Variants in CNTN5 observed in about 807,000 individuals in gnomAD.
The protein encoded by CNTN5 is contactin 5, also known as contactin-5.
A neutral mutation model predicts 129.1 loss-of-function variants in CNTN5; 77 were observed. That is an observed-to-expected ratio of 0.60 (90% CI 0.50 to 0.72). The LOEUF (loss-of-function observed/expected upper bound fraction) is 0.72, where lower values mean the gene tolerates loss of function less well. Ranked by LOEUF, CNTN5 falls within the 30% of genes least tolerant of loss-of-function variation. CNTN5 has a pLI of 0.00. For synonymous variants in CNTN5, 509 were observed against 465.6 expected (o/e 1.09, Z -1.20); for missense variants, 1,478 against 1,328.8 (o/e 1.11, Z -1.75).
chr11:99,303,816 C>G (rs889112076), intron 1 of CNTN5, among the ~76,000 whole-genome samples: 1 of 152,076 alleles, frequency 6.6e-6, no homozygotes, highest in African/African-American at 2.4e-5. Flanking sequence ...GCTGTCAGTA[C>G]TTATGTTGAG....
intron 3 of CNTN5, among the ~76,000 whole-genome samples, chr11:99,779,190 A>G (rs1033528497): frequency 6.6e-6 from 1 of 151,962 alleles, no homozygotes; most frequent in Admixed American, 6.6e-5. Context: ...CTGTATTTCT[A>G]AATTTGTAGA....
intron 13 of CNTN5, among the ~76,000 whole-genome samples, chr11:100,116,631 G>T (rs1485424016): frequency 6.6e-6 from 1 of 151,702 alleles, no homozygotes; most frequent in Non-Finnish European, 1.5e-5. Flanking sequence ...GAGACAAATA[G>T]AAATATAATT....
intron 3 of CNTN5, among the ~76,000 whole-genome samples, chr11:99,656,058 G>A (rs761909914): frequency 3.2e-4 from 49 of 152,014 alleles, no homozygotes; most frequent in Non-Finnish European, 6.0e-4. Flanking sequence ...AGGTATAAGT[G>A]TGTGTACATA....
intron 3 of CNTN5, among the ~76,000 whole-genome samples, chr11:99,629,866 A>C (rs956357417): frequency 4.0e-5 from 6 of 151,760 alleles, no homozygotes; most frequent in African/African-American, 1.4e-4. Flanking sequence ...TTGATATAAA[A>C]TATAAAAATA....
intron 1 of CNTN5, among the ~76,000 whole-genome samples, chr11:99,082,835 C>T (rs1433534683): frequency 3.3e-5 from 5 of 152,138 alleles, no homozygotes; most frequent in African/African-American, 1.2e-4. Flanking sequence ...CATTACACAA[C>T]AAGGAAAAAC....
At chr11:99,195,289 G>C (rs1260598785) in intron 1 of CNTN5, among the ~76,000 whole-genome samples, 1 of 151,870 alleles carries the variant, frequency 6.6e-6, no homozygotes, top group Non-Finnish European at 1.5e-5. Context: ...TTTTCATTTT[G>C]GAGTAACTAA....
chr11:99,558,050 A>G (rs1304049338), intron 3 of CNTN5, among the ~76,000 whole-genome samples: 2 of 151,882 alleles, frequency 1.3e-5, no homozygotes, highest in African/African-American at 4.8e-5. Context: ...GGATACCTCT[A>G]TAAAAAGTTG....
intron 9 of CNTN5, among the ~76,000 whole-genome samples, chr11:100,046,072 G>T (rs1942655012): frequency 6.8e-6 from 1 of 147,388 alleles, no homozygotes. Flanking sequence ...TCACTCATAG[G>T]TGGGAATTGA....
intron 16 of CNTN5, among the ~76,000 whole-genome samples, chr11:100,230,843 C>G (rs192245242): frequency 6.1e-4 from 93 of 152,286 alleles, no homozygotes; most frequent in African/African-American, 2.2e-3. Context: ...GAGAAAAGTT[C>G]TAATCAACTG....
At chr11:99,730,984 ACT>A (rs1293286524) in intron 3 of CNTN5, among the ~76,000 whole-genome samples, 1 of 152,096 alleles carries the variant, frequency 6.6e-6, no homozygotes, top group African/African-American at 2.4e-5. Context: ...CTATAGTTGT[ACT>A]CTCTACCTCC....
At chr11:99,298,157 C>G (rs1864468439) in intron 1 of CNTN5, among the ~76,000 whole-genome samples, 1 of 152,122 alleles carries the variant, frequency 6.6e-6, no homozygotes, top group Non-Finnish European at 1.5e-5. Flanking sequence ...AGCTCCACTT[C>G]TGGTACCATC....
chr11:99,779,150 AG>A (rs1269753482), intron 3 of CNTN5, among the ~76,000 whole-genome samples: 1 of 151,948 alleles, frequency 6.6e-6, no homozygotes, highest in African/African-American at 2.4e-5. Context: ...TTGCATATTT[AG>A]GAGGAAAAAC....
chr11:99,429,377 C>A (rs1943267686), intron 2 of CNTN5, among the ~76,000 whole-genome samples: 1 of 152,112 alleles, frequency 6.6e-6, no homozygotes, highest in Non-Finnish European at 1.5e-5. Flanking sequence ...TTTTATTCCA[C>A]CCCTACTTTA....
intron 13 of CNTN5, among the ~76,000 whole-genome samples, chr11:100,183,328 C>T (rs977103179): frequency 6.6e-6 from 1 of 152,014 alleles, no homozygotes; most frequent in African/African-American, 2.4e-5. Flanking sequence ...TTTTATAGCC[C>T]TAAGCTGAGA....
intron 2 of CNTN5, among the ~76,000 whole-genome samples, chr11:99,376,897 A>G (rs1166235319): frequency 6.6e-6 from 1 of 152,204 alleles, no homozygotes; most frequent in Non-Finnish European, 1.5e-5. Flanking sequence ...TGATTTAGCT[A>G]GTAGTGAACA....
At chr11:99,340,763 A>T (rs1866475615) in intron 2 of CNTN5, among the ~76,000 whole-genome samples, 1 of 152,230 alleles carries the variant, frequency 6.6e-6, no homozygotes, top group African/African-American at 2.4e-5. Flanking sequence ...AATCATAAAA[A>T]TAATTCTATA....
chr11:99,816,585 A>T (rs888675186), intron 3 of CNTN5, among the ~76,000 whole-genome samples: 1 of 152,130 alleles, frequency 6.6e-6, no homozygotes, highest in Non-Finnish European at 1.5e-5. Context: ...CTTATTTACT[A>T]TTCCCATACG....
At chr11:99,629,268 T>C (rs1450730845) in intron 3 of CNTN5, among the ~76,000 whole-genome samples, 2 of 152,048 alleles carry the variant, frequency 1.3e-5, no homozygotes, top group African/African-American at 4.8e-5. Flanking sequence ...TTTAGAAACT[T>C]CAGATAAGAA....
chr11:100,127,140 A>C (rs1238752658), intron 13 of CNTN5, among the ~76,000 whole-genome samples: 1 of 117,926 alleles, frequency 8.5e-6, no homozygotes, highest in East Asian at 2.5e-4. Flanking sequence ...GGGTTTTGCC[A>C]TGCTGCCCGA....
Sources: gnomAD v4.1 joint callset for allele counts (sites outside exome capture counted in the v4.1 genomes callset) on GRCh38, gnomAD v4.1.1 for gene constraint, MANE v1.5 for transcripts, NCBI Gene and HGNC (gene_info 2026-07-23, HGNC 2026-07-21) for gene names.